RMI2: variants seen among roughly 807,000 people sequenced by gnomAD.
RMI2 encodes RecQ mediated genome instability 2.
RMI2 carries 11 observed loss-of-function variants against 8.4 expected under a neutral mutation model. The observed-to-expected ratio is 1.32, with a 90% CI of 0.83 to 2.18. The LOEUF is 2.18. Ranked by LOEUF, RMI2 falls within the 30% of genes most tolerant of loss-of-function variation. The pLI is 0.00. For synonymous variants in RMI2, 105 were observed against 93.8 expected, an observed-to-expected ratio of 1.12 and a Z score of -0.69; for missense variants, 253 against 207.5, an observed-to-expected ratio of 1.22 and a Z score of -1.35.
intron 1 of RMI2, among the ~76,000 whole-genome samples, chr16:11,346,380 C>T (rs966612255): frequency 1.3e-4 from 19 of 151,898 alleles, no homozygotes; most frequent in African/African-American, 4.1e-4. Context: ...ATGCTTCAGC[C>T]TCCCGAGTAG....
Position 11,351,166 on chromosome 16 carries a change from A to G in RMI2, c.*376A>G. The G allele has an allele frequency of 4.1e-6, 1 of 242,032 alleles. No homozygotes were observed. The highest frequency in any genetic ancestry group is 6.0e-5 in the East Asian group (1 of 16,698). The allele number at this position is 242,032 out of a possible 1,614,324, so 15.0% of individuals were successfully genotyped here. On this transcript the variant is annotated 3_prime_UTR_variant, in exon 2 of 2. Coordinates refer to ENST00000312499, the MANE Select transcript of RMI2 (RefSeq NM_152308.3). ...CTGCTGCGTCCCTGTTTTACAATGCAAAATTTAAGTACGGTCGTTGCCCAT... is the reference window on the plus strand; with the variant it reads ...CTGCTGCGTCCCTGTTTTACAATGCGAAATTTAAGTACGGTCGTTGCCCAT...
At chr16:11,350,441 T>G (rs2070951875) in intron 1 of RMI2, among the ~76,000 whole-genome samples, 1 of 152,042 alleles carries the variant, frequency 6.6e-6, no homozygotes, top group Non-Finnish European at 1.5e-5. Context: ...CATACAAAAA[T>G]TAGCCAGGCA....
In RMI2 at chr16:11,349,687, G is replaced by C. The variant is rs1483571106; in HGVS notation, c.296-955G>C. Reference sequence around the variant, plus strand: ...CATCCTGCCTGGGGTTGAACAGCAGGATCAGGGGTCAGCTTGCCTGGGGCT... The same window carrying C: ...CATCCTGCCTGGGGTTGAACAGCAGCATCAGGGGTCAGCTTGCCTGGGGCT... On this transcript the variant is annotated intron_variant, in intron 1 of 1. Coordinates refer to ENST00000312499, the MANE Select transcript of RMI2 (RefSeq NM_152308.3). The surrounding 1 kb of genome is among the most constrained non-coding windows in gnomAD (Gnocchi z 4.2). 6.6e-6 allele frequency among the ~76,000 whole-genome samples: 1 copy of C among 152,196 alleles called. No individual in the cohort carries two copies. The highest frequency in any genetic ancestry group is 1.5e-5 in the Non-Finnish European group (1 of 68,042).
chr16:11,350,244 T>G (rs2070947655), intron 1 of RMI2, among the ~76,000 whole-genome samples: 1 of 152,150 alleles, frequency 6.6e-6, no homozygotes, highest in African/African-American at 2.4e-5. Context: ...CTCCATTCCT[T>G]GGGCGTGGTT....
rs1253946335 is a variant in RMI2 at position 11,345,651 on chromosome 16, G to T, written c.180G>T (p.Met60Ile). 7.9e-7 allele frequency: 1 copy of T among 1,268,996 alleles called. No homozygotes were observed. The highest frequency in any genetic ancestry group is 3.6e-5 in the South Asian group (1 of 27,862). The allele number at this position is 1,268,996 out of a possible 1,614,324, so 78.6% of individuals were successfully genotyped here. Residue 60 changes from methionine (M) to isoleucine (I), a missense_variant, in exon 1 of 2, where the codon ATG (methionine) becomes ATT (isoleucine). By Grantham distance (10) the Met-to-Ile change is conservative. Transcript: ENST00000312499. ...RGPLDLAAVW[M>I]QGRVVMADRG... ...CGCTGGACCTGGCGGCCGTGTGGATGCAGGGCAGGGTAGTGATGGCGGACC... is the reference window on the plus strand; with the variant it reads ...CGCTGGACCTGGCGGCCGTGTGGATTCAGGGCAGGGTAGTGATGGCGGACC...
intron 1 of RMI2, among the ~76,000 whole-genome samples, chr16:11,350,022 C>T (rs1230191859): frequency 6.6e-6 from 1 of 152,154 alleles, no homozygotes; most frequent in African/African-American, 2.4e-5. Context: ...GGGCGGGGGG[C>T]TGCCTGCCCA....
Position 11,345,635 on chromosome 16 carries a change from T to A in RMI2, c.164T>A (p.Leu55Gln), listed in dbSNP as rs751080487. The change falls in exon 1 of 2, where the codon CTG (leucine) becomes CAG (glutamine). Residue 55 changes from leucine to glutamine, a missense_variant. Coordinates refer to ENST00000312499, the MANE Select transcript of RMI2 (RefSeq NM_152308.3). ...RAAAGRGPLD[L>Q]AAVWMQGRVV... ...GCGGCGGGCCGCGGGCCGCTGGACC[T>A]GGCGGCCGTGTGGATGCAGGGCAGG... The A allele has an allele frequency of 1.6e-6, 2 of 1,255,450 alleles. No homozygotes were observed. The highest frequency in any genetic ancestry group is 2.0e-6 in the Non-Finnish European group (2 of 1,001,748). 77.8% of individuals were successfully genotyped at this position (1,255,450 alleles called of 1,614,324 possible).
At chr16:11,346,745 A>G (rs2070877842) in intron 1 of RMI2, among the ~76,000 whole-genome samples, 1 of 152,126 alleles carries the variant, frequency 6.6e-6, no homozygotes, top group Admixed American at 6.6e-5. Flanking sequence ...TGGTCTGGGG[A>G]CCATACTTTC....
Position 11,351,386 on chromosome 16 carries a change from G to A in RMI2, c.*596G>A, listed in dbSNP as rs890372732. On this transcript the variant is annotated 3_prime_UTR_variant, in exon 2 of 2. Coordinates refer to ENST00000312499, the MANE Select transcript of RMI2 (RefSeq NM_152308.3). ...TCGGACACCACTCAAACATTTAGAC[G>A]CAGCTCTATCCCTTTTCCTAGCTAG... 6.5e-5 allele frequency: 15 copies of A among 232,236 alleles called. No homozygotes were observed. Among genetic ancestry groups the A allele is most frequent in the African/African-American group, 1.8e-4 (8 of 45,288 alleles). 14.4% of individuals were successfully genotyped at this position (232,236 alleles called of 1,614,324 possible).
In RMI2 at chr16:11,351,217, G is replaced by A. The variant is rs901983855; in HGVS notation, c.*427G>A. 1.7e-5 allele frequency: 4 copies of A among 234,138 alleles called. No homozygotes were observed. The highest frequency in any genetic ancestry group is 8.8e-5 in the African/African-American group (4 of 45,334). The allele number at this position is 234,138 out of a possible 1,614,324, so 14.5% of individuals were successfully genotyped here. On this transcript the variant is annotated 3_prime_UTR_variant, in exon 2 of 2. Transcript: ENST00000312499. Reference sequence around the variant, plus strand: ...GGTGATTAAAGTGTGGTTATGGGCAGGAAGACAGACTGTGTAAAAAAGGAA... The same window carrying A: ...GGTGATTAAAGTGTGGTTATGGGCAAGAAGACAGACTGTGTAAAAAAGGAA...
intron 1 of RMI2, 147 bp from the exon 2 acceptor site, chr16:11,350,495 C>T (rs767272136): frequency 3.4e-6 from 2 of 580,180 alleles, no homozygotes; most frequent in Non-Finnish European, 5.7e-6. Flanking sequence ...AAGGCTGAGG[C>T]ACAAGAATCA....
Position 11,345,716 on chromosome 16 carries a change from C to G in RMI2, c.245C>G (p.Ser82Trp), listed in dbSNP as rs1026276124. The G allele has an allele frequency of 1.6e-6, 2 of 1,253,448 alleles. No individual in the cohort carries two copies. Among genetic ancestry groups the G allele is most frequent in the Non-Finnish European group, 2.0e-6 (2 of 1,000,418 alleles). 77.6% of individuals were successfully genotyped at this position (1,253,448 alleles called of 1,614,324 possible). Residue 82 changes from serine (S) to tryptophan (W), a missense_variant, in exon 1 of 2, where the codon TCG (serine) becomes TGG (tryptophan). Coordinates refer to ENST00000312499, the MANE Select transcript of RMI2 (RefSeq NM_152308.3). ...ARLRDPSGDF[S>W]VRGLERVPRG... Reference sequence around the variant, plus strand: ...CTGAGGGACCCGAGCGGGGACTTCTCGGTCCGCGGCCTGGAGCGGGTGCCG... The same window carrying G: ...CTGAGGGACCCGAGCGGGGACTTCTGGGTCCGCGGCCTGGAGCGGGTGCCG...
intron 1 of RMI2, chr16:11,348,888 CGTGCCTTT>C (rs1567493004): frequency 6.6e-6 from 1 of 152,372 alleles, no homozygotes; most frequent in Non-Finnish European, 1.5e-5. Context: ...GATAGAGCCG[CGTGCCTTT>C]GGGGAGCCTG....
At position 11,345,469 on chromosome 16, in the gene RMI2, G is replaced by C; in HGVS notation, c.-3G>C. The C allele has an allele frequency of 7.7e-7, 1 of 1,302,528 alleles. No individual in the cohort carries two copies. The highest frequency in any genetic ancestry group is 3.4e-5 in the Admixed American group (1 of 29,194). The allele number at this position is 1,302,528 out of a possible 1,614,324, so 80.7% of individuals were successfully genotyped here. The stretch of plus-strand genomic sequence containing the variant: ...GCGGGGCGGAAGGGTGCGGCGAGGC[G>C]GAATGGCGGCGGCTGCGGACTCGTT... On this transcript the variant is annotated 5_prime_UTR_variant, in exon 1 of 2. Coordinates refer to ENST00000312499, the MANE Select transcript of RMI2 (RefSeq NM_152308.3).
At position 11,349,162 on chromosome 16, in the gene RMI2, G is replaced by C. The variant is rs2070926502; in HGVS notation, c.296-1480G>C. ...TCTGCAGGAGAATCAGAGAAACCAT[G>C]CTTACCTAGATCGCGCTTGGATCAA... On this transcript the variant is annotated intron_variant, in intron 1 of 1. Coordinates refer to ENST00000312499, the MANE Select transcript of RMI2 (RefSeq NM_152308.3). The surrounding 1 kb of genome is among the most constrained non-coding windows in gnomAD (Gnocchi z 4.2). 1 of 152,300 alleles carries C rather than the reference G, an allele frequency of 6.6e-6. No individual in the cohort carries two copies. Among genetic ancestry groups the C allele is most frequent in the South Asian group, 2.1e-4 (1 of 4,834 alleles). The allele number at this position is 152,300 out of a possible 1,614,324, so 9.4% of individuals were successfully genotyped here.
intron 1 of RMI2, among the ~76,000 whole-genome samples, chr16:11,346,901 A>G (rs7202024): frequency 0.22 from 33,080 of 152,120 alleles, 3,787 homozygotes; most frequent in Non-Finnish European, 0.24. Context: ...TGGGGGCCAT[A>G]CTTTGAGAAC....
chr16:11,346,952 G>C (rs994133866), intron 1 of RMI2, among the ~76,000 whole-genome samples: 6 of 152,310 alleles, frequency 3.9e-5, no homozygotes, highest in African/African-American at 1.4e-4. Flanking sequence ...AGAGCTGTGT[G>C]GTCCTGACAA....
rs780349446 is a variant in RMI2 at position 11,345,779 on chromosome 16, C to G, written c.295+13C>G. On this transcript the variant is annotated intron_variant, in intron 1 of 1. Coordinates refer to ENST00000312499, the MANE Select transcript of RMI2 (RefSeq NM_152308.3). Reference sequence around the variant, plus strand: ...TGTCTAGTCCCAGGTAATGCCCGGGCCTTACCGGGCGCCCTCTTCCCTGCT... The same window carrying G: ...TGTCTAGTCCCAGGTAATGCCCGGGGCTTACCGGGCGCCCTCTTCCCTGCT... 4.9e-6 allele frequency: 6 copies of G among 1,232,794 alleles called. No homozygotes were observed. The East Asian group carries it at 1.9e-4, about 39-fold the overall frequency. The allele number at this position is 1,232,794 out of a possible 1,614,324, so 76.4% of individuals were successfully genotyped here. A position where few individuals can be genotyped will look rare whatever the true frequency, so the allele number is the denominator to read the frequency against.
At position 11,350,912 on chromosome 16, in the gene RMI2, G is replaced by T. The variant is rs1868612351; in HGVS notation, c.*122G>T. 2.4e-6 allele frequency: 2 copies of T among 835,040 alleles called. No individual in the cohort carries two copies. Among genetic ancestry groups the T allele is most frequent in the Non-Finnish European group, 3.6e-6 (2 of 562,578 alleles). 51.7% of individuals were successfully genotyped at this position (835,040 alleles called of 1,614,324 possible). On this transcript the variant is annotated 3_prime_UTR_variant, in exon 2 of 2. Coordinates refer to ENST00000312499, the MANE Select transcript of RMI2 (RefSeq NM_152308.3). ...TTTCAAATGCTTCTCAGAGAGCCTTGCTTTGGTTGACCAAGGAGTCCGGAT... is the reference window on the plus strand; with the variant it reads ...TTTCAAATGCTTCTCAGAGAGCCTTTCTTTGGTTGACCAAGGAGTCCGGAT...
Sources: allele counts gnomAD v4.1 joint callset (sites outside exome capture counted in the v4.1 genomes callset), GRCh38; gene constraint gnomAD v4.1.1; non-coding constraint Gnocchi (gnomAD v3.1); transcripts MANE v1.5; gene names NCBI Gene and HGNC (gene_info 2026-07-23, HGNC 2026-07-21).